CPNE4: variants seen among roughly 807,000 people sequenced by gnomAD.
CPNE4 encodes copine 4.
Under a neutral mutation model 67.9 loss-of-function variants are expected in CPNE4, and 25 were observed. The ratio of observed to expected loss-of-function variants is 0.37; its 90% CI spans 0.27 to 0.51. CPNE4 has a LOEUF of 0.51. CPNE4 is among the 20% of genes least tolerant of loss of function. The pLI, the probability that CPNE4 is intolerant of heterozygous loss-of-function variation, is 0.93. For missense variants in CPNE4, 464 were observed against 690.8 expected, an observed-to-expected ratio of 0.67 and a Z score of 3.68; for synonymous variants, 242 against 244.9, an observed-to-expected ratio of 0.99 and a Z score of 0.11.
chr3:131,992,419 C>T (rs750546269), intron 1 of CPNE4, among the ~76,000 whole-genome samples: 1 of 136,316 alleles, frequency 7.3e-6, no homozygotes, highest in African/African-American at 2.5e-5. Context: ...TGAATGGGGC[C>T]GGTAGCCCCT....
chr3:131,903,040 A>T (rs1032309198), intron 2 of CPNE4, among the ~76,000 whole-genome samples: 6 of 152,114 alleles, frequency 3.9e-5, no homozygotes, highest in Non-Finnish European at 8.8e-5. Flanking sequence ...AACTGCTATC[A>T]AGCCTTTCTT....
intron 2 of CPNE4, among the ~76,000 whole-genome samples, chr3:131,892,732 C>A (rs2088164703): frequency 6.6e-6 from 1 of 151,882 alleles, no homozygotes; most frequent in Admixed American, 6.6e-5. Flanking sequence ...CTTTAGGCAA[C>A]CAAACTTAAG....
At chr3:131,775,296 CTTTTT>C (rs1193001021) in intron 2 of CPNE4, among the ~76,000 whole-genome samples, 1 of 152,056 alleles carries the variant, frequency 6.6e-6, no homozygotes, top group African/African-American at 2.4e-5. Context: ...AAACTTTTGA[CTTTTT>C]TTGAGACATG....
In CPNE4 at chr3:131,660,596, T is replaced by C. The variant is rs139427431; in HGVS notation, c.681+9079A>G. Among the ~76,000 whole-genome samples the C allele has an allele frequency of 2.8e-3, 430 of 152,264 alleles. 4 individuals are homozygous for C. The highest frequency in any genetic ancestry group is 9.7e-3 in the African/African-American group (405 of 41,546). On this transcript the variant is annotated intron_variant, in intron 7 of 15. Coordinates refer to ENST00000429747, the MANE Select transcript of CPNE4 (RefSeq NM_130808.3). ...ATCATCACGGAAAGTTTTATTGGAC[T>C]TTAGGTTCTGGTATGGAGTTTAGGT... is the stretch of plus-strand genomic sequence containing the variant.
At chr3:131,854,173 A>ATGTTT (rs2107650778) in intron 2 of CPNE4, among the ~76,000 whole-genome samples, 1 of 152,068 alleles carries the variant, frequency 6.6e-6, no homozygotes, top group African/African-American at 2.4e-5. Context: ...ATATTTTAGT[A>ATGTTT]TATCCAAATA....
chr3:131,591,423 C>T (rs1044346166), intron 7 of CPNE4, among the ~76,000 whole-genome samples: 1 of 152,124 alleles, frequency 6.6e-6, no homozygotes, highest in Non-Finnish European at 1.5e-5. Context: ...ACATCCCATT[C>T]ACCCCTTCAT....
chr3:131,784,297 G>T (rs1182627353), intron 2 of CPNE4, among the ~76,000 whole-genome samples: 2 of 151,992 alleles, frequency 1.3e-5, no homozygotes, highest in African/African-American at 2.4e-5. Context: ...TAGTAAATCA[G>T]TATAGGTCTG....
intron 1 of CPNE4, among the ~76,000 whole-genome samples, chr3:131,916,861 TTTTC>T (rs1407585616): frequency 2.6e-5 from 4 of 152,218 alleles, no homozygotes; most frequent in African/African-American, 9.6e-5. Context: ...CTACTGTTTG[TTTTC>T]TTTGTTTTTT....
chr3:132,005,311 TTACATATATATATATATATA>T (rs2073560769), intron 1 of CPNE4, among the ~76,000 whole-genome samples: 1 of 59,746 alleles, frequency 1.7e-5, no homozygotes, highest in Admixed American at 1.8e-4. Flanking sequence ...TGTGCCATTT[TTACATATATATATATATATA>T]TATATATATA....
At chr3:131,893,955 T>C (rs1381901455) in intron 2 of CPNE4, among the ~76,000 whole-genome samples, 2 of 151,298 alleles carry the variant, frequency 1.3e-5, no homozygotes, top group Non-Finnish European at 3.0e-5. Flanking sequence ...AAAGAAATAA[T>C]AAAGCTCAGA....
chr3:131,853,159 G>A (rs945057285), intron 2 of CPNE4, among the ~76,000 whole-genome samples: 1 of 151,724 alleles, frequency 6.6e-6, no homozygotes, highest in Non-Finnish European at 1.5e-5. Flanking sequence ...CTCAGATTAT[G>A]TGAATTCATA....
At chr3:131,663,714 C>A (rs2080185719) in intron 7 of CPNE4, among the ~76,000 whole-genome samples, 1 of 152,100 alleles carries the variant, frequency 6.6e-6, no homozygotes, top group African/African-American at 2.4e-5. Flanking sequence ...TGTTTTAAAC[C>A]AACCAGGCAT....
At chr3:131,859,750 C>CTGGATT (rs1227667256) in intron 2 of CPNE4, among the ~76,000 whole-genome samples, 1 of 152,196 alleles carries the variant, frequency 6.6e-6, no homozygotes, top group Non-Finnish European at 1.5e-5. Flanking sequence ...ACAAGTGTCC[C>CTGGATT]TGGATTCAGT....
intron 2 of CPNE4, among the ~76,000 whole-genome samples, chr3:131,842,568 T>G (rs1050869842): frequency 6.6e-6 from 1 of 152,080 alleles, no homozygotes; most frequent in Non-Finnish European, 1.5e-5. Context: ...CATTTTGAAT[T>G]GACTATTTAA....
intron 6 of CPNE4, among the ~76,000 whole-genome samples, chr3:131,683,224 T>C (rs1024564420): frequency 6.6e-6 from 1 of 152,288 alleles, no homozygotes; most frequent in Non-Finnish European, 1.5e-5. Flanking sequence ...ATAGCCACCA[T>C]AGCTGGGAAT....
intron 1 of CPNE4, among the ~76,000 whole-genome samples, chr3:131,920,955 T>C (rs2070726382): frequency 6.6e-6 from 1 of 152,190 alleles, no homozygotes; most frequent in African/African-American, 2.4e-5. Context: ...AAAGAAGATG[T>C]CTGATGGTCT....
At chr3:131,558,399 A>T (rs1582793853) in intron 11 of CPNE4, among the ~76,000 whole-genome samples, 1 of 152,214 alleles carries the variant, frequency 6.6e-6, no homozygotes, top group African/African-American at 2.4e-5. Flanking sequence ...GGATCCACTC[A>T]GCACCCAGCA....
intron 2 of CPNE4, among the ~76,000 whole-genome samples, chr3:131,755,411 A>G (rs554446138): frequency 6.6e-6 from 1 of 152,306 alleles, no homozygotes; most frequent in Admixed American, 6.5e-5. Flanking sequence ...GAACTACAAT[A>G]AACTCCTTCC....
rs529303147 is a variant in CPNE4 at position 131,766,474 on chromosome 3, A to G, written c.181-42849T>C. ...GCTGGTAAGTTTGTAGCATTTGCCA[A>G]TTTTCAAGGTGTAAATACCTGTATC... On this transcript the variant is annotated intron_variant, in intron 2 of 15. Transcript: ENST00000429747. 5.3e-5 allele frequency among the ~76,000 whole-genome samples: 8 copies of G among 152,198 alleles called. No individual in the cohort carries two copies. In the South Asian group the frequency reaches 1.4e-3, roughly 28 times the overall value.
Sources: gnomAD v4.1 joint callset for allele counts (sites outside exome capture counted in the v4.1 genomes callset) on GRCh38, gnomAD v4.1.1 for gene constraint, MANE v1.5 for transcripts, NCBI Gene and HGNC (gene_info 2026-07-23, HGNC 2026-07-21) for gene names.